Variants in DSCAM observed in about 807,000 individuals in gnomAD.
The protein encoded by DSCAM is DS cell adhesion molecule, also known as cell adhesion molecule DSCAM.
DSCAM carries 47 observed loss-of-function variants against 217.7 expected under a neutral mutation model. The observed-to-expected ratio is 0.22, with a 90% CI of 0.17 to 0.28. The LOEUF is 0.28. Among genes scored for constraint, DSCAM ranks in the 10% least tolerant of loss-of-function variants. DSCAM has a pLI of 1.00. For synonymous variants in DSCAM, 1,056 were observed against 1,015.3 expected, an observed-to-expected ratio of 1.04 and a Z score of -0.76; for missense variants, 2,080 against 2,618.3, an observed-to-expected ratio of 0.79 and a Z score of 4.49.
chr21:40,271,045 A>AT (rs1200257044), intron 11 of DSCAM, among the ~76,000 whole-genome samples: 1 of 152,254 alleles, frequency 6.6e-6, no homozygotes, highest in African/African-American at 2.4e-5. Context: ...AGGTCAAATC[A>AT]TAACATGGAG....
At chr21:40,729,429 A>G (rs1317350420) in intron 1 of DSCAM, among the ~76,000 whole-genome samples, 2 of 152,192 alleles carry the variant, frequency 1.3e-5, no homozygotes, top group African/African-American at 4.8e-5. Context: ...CCTTTGATCT[A>G]AACATTGCTG....
chr21:40,780,525 A>C (rs1316621355), intron 1 of DSCAM, among the ~76,000 whole-genome samples: 1 of 151,020 alleles, frequency 6.6e-6, no homozygotes, highest in African/African-American at 2.4e-5. Context: ...TTACCGGCTG[A>C]AATGTGTCCC....
chr21:40,532,893 T>C (rs1404441970), intron 3 of DSCAM, among the ~76,000 whole-genome samples: 4 of 138,322 alleles, frequency 2.9e-5, no homozygotes, highest in African/African-American at 1.4e-4. Flanking sequence ...TGTGTGTGTG[T>C]GTGTGTGTGT....
intron 3 of DSCAM, among the ~76,000 whole-genome samples, chr21:40,588,400 G>C (rs1366745168): frequency 1.3e-5 from 2 of 152,108 alleles, no homozygotes; most frequent in Admixed American, 6.5e-5. Flanking sequence ...ATCTAAAGGG[G>C]GAATACCCTT....
intron 3 of DSCAM, among the ~76,000 whole-genome samples, chr21:40,642,333 G>C (rs1371384902): frequency 6.6e-6 from 1 of 152,158 alleles, no homozygotes; most frequent in Non-Finnish European, 1.5e-5. Flanking sequence ...GGCTGGAACA[G>C]AGGCACGATA....
intron 5 of DSCAM, among the ~76,000 whole-genome samples, chr21:40,348,437 C>G (rs1200316556): frequency 1.3e-5 from 2 of 152,236 alleles, no homozygotes; most frequent in African/African-American, 4.8e-5. Context: ...TTATTGCAAT[C>G]ATACCCCATA....
chr21:40,241,033 C>T (rs2073145957), intron 11 of DSCAM, among the ~76,000 whole-genome samples: 1 of 152,142 alleles, frequency 6.6e-6, no homozygotes, highest in Non-Finnish European at 1.5e-5. Context: ...ACTGTAAAAG[C>T]CCTGGAAGAC....
intron 32 of DSCAM, among the ~76,000 whole-genome samples, chr21:40,013,909 G>A (rs527993229): frequency 7.2e-5 from 11 of 152,340 alleles, no homozygotes; most frequent in East Asian, 3.9e-4. Flanking sequence ...GGGTGAAAGC[G>A]CCACAGCTTA....
chr21:40,667,819 C>A (rs1026579378), intron 3 of DSCAM, among the ~76,000 whole-genome samples: 1 of 152,168 alleles, frequency 6.6e-6, no homozygotes, highest in Non-Finnish European at 1.5e-5. Context: ...CCATGTGAAA[C>A]TGTGAGTCAA....
At chr21:40,780,441 A>ATATATATATATATATATATATC (rs1407749651) in intron 1 of DSCAM, among the ~76,000 whole-genome samples, 17 of 141,346 alleles carry the variant, frequency 1.2e-4, no homozygotes, top group Middle Eastern at 3.6e-3. Flanking sequence ...ATATATATAT[A>ATATATATATATATATATATATC]TATATATCTC....
intron 1 of DSCAM, among the ~76,000 whole-genome samples, chr21:40,751,476 A>T (rs771312310): frequency 3.9e-4 from 60 of 152,284 alleles, no homozygotes; most frequent in Non-Finnish European, 6.6e-4. Context: ...TGAATAAATG[A>T]ACAAACTACA....
At chr21:40,595,896 G>A (rs984460091) in intron 3 of DSCAM, among the ~76,000 whole-genome samples, 2 of 152,206 alleles carry the variant, frequency 1.3e-5, no homozygotes, top group Non-Finnish European at 2.9e-5. Flanking sequence ...GAAGTATCCT[G>A]GTACCTAAAG....
Position 40,603,209 on chromosome 21 carries a change from T to A in DSCAM, c.508+89601A>T, listed in dbSNP as rs566044270. Among the ~76,000 whole-genome samples the A allele has an allele frequency of 1.8e-3, 270 of 152,286 alleles. 2 individuals carry two copies. Among genetic ancestry groups the A allele is most frequent in the African/African-American group, 6.1e-3 (253 of 41,564 alleles). On this transcript the variant is annotated intron_variant, in intron 3 of 32. Transcript: ENST00000400454. The stretch of plus-strand genomic sequence containing the variant: ...AAGACCATATTTTATATGATGTCTA[T>A]GATTTTAATTTTCTTGAGATGTCTT...
chr21:40,426,727 T>C (rs575295951), intron 3 of DSCAM, among the ~76,000 whole-genome samples: 1 of 152,242 alleles, frequency 6.6e-6, no homozygotes, highest in Middle Eastern at 3.4e-3. Flanking sequence ...CAAGCTTTGT[T>C]GTGTGCTTCC....
At chr21:40,382,611 A>T in intron 3 of DSCAM, among the ~76,000 whole-genome samples, 1 of 152,236 alleles carries the variant, frequency 6.6e-6, no homozygotes, top group East Asian at 1.9e-4. Flanking sequence ...ACATGCAAAT[A>T]TGTATACTTA....
intron 14 of DSCAM, among the ~76,000 whole-genome samples, chr21:40,179,606 C>G (rs117590698): frequency 6.6e-6 from 1 of 152,304 alleles, no homozygotes; most frequent in Non-Finnish European, 1.5e-5. Flanking sequence ...GTGGTAAAAA[C>G]AAGATAATCC....
At chr21:40,534,515 T>C (rs1404464984) in intron 3 of DSCAM, among the ~76,000 whole-genome samples, 1 of 152,154 alleles carries the variant, frequency 6.6e-6, no homozygotes, top group Admixed American at 6.5e-5. Context: ...GATCCATGTG[T>C]GTACCCCGCC....
intron 3 of DSCAM, among the ~76,000 whole-genome samples, chr21:40,574,899 TA>T (rs1189651434): frequency 6.6e-6 from 1 of 151,996 alleles, no homozygotes. Flanking sequence ...AAGACTGCAA[TA>T]AAACATTAGT....
At chr21:40,287,066 C>T (rs1237774961) in intron 10 of DSCAM, among the ~76,000 whole-genome samples, 2 of 148,442 alleles carry the variant, frequency 1.3e-5, no homozygotes, top group East Asian at 2.0e-4. Context: ...GCAGTGTGAT[C>T]TGCAGGTGAT....
Sources: allele counts gnomAD v4.1 joint callset (sites outside exome capture counted in the v4.1 genomes callset), GRCh38; gene constraint gnomAD v4.1.1; transcripts MANE v1.5; gene names NCBI Gene and HGNC (gene_info 2026-07-23, HGNC 2026-07-21).